Variants in ASPH observed in about 807,000 individuals in gnomAD.
ASPH encodes the protein aspartyl/asparaginyl beta-hydroxylase.
A neutral mutation model predicts 118.4 loss-of-function variants in ASPH; 100 were observed. The observed-to-expected ratio is 0.84, with a 90% CI of 0.72 to 1.00. The LOEUF (loss-of-function observed/expected upper bound fraction) is 1.00. Ranked by LOEUF, ASPH falls within the 50% of genes least tolerant of loss-of-function variation. The probability of loss-of-function intolerance (pLI) is 0.00; values close to 1 mark genes in which losing one functional copy is unlikely to be tolerated. For missense variants in ASPH, 920 were observed against 919.5 expected (o/e 1.00, Z -0.01); for synonymous variants, 315 against 325.6 (o/e 0.97, Z 0.35).
rs371726618 is a variant in ASPH at position 61,697,327 on chromosome 8, C to T, written c.104-13139G>A. Among the ~76,000 whole-genome samples, 27 of 152,344 alleles carry T rather than the reference C, an allele frequency of 1.8e-4. No homozygotes were observed. In the South Asian group the frequency reaches 1.9e-3, roughly 11 times the overall value. On this transcript the variant is annotated intron_variant, in intron 1 of 24. Coordinates refer to ENST00000379454, the MANE Select transcript of ASPH (RefSeq NM_004318.4). Reference sequence around the variant, plus strand: ...CCACAGTCAACACAGAATATTCCTGCAGCCCCTGGTCACTAAAACATGTGG... The same window carrying T: ...CCACAGTCAACACAGAATATTCCTGTAGCCCCTGGTCACTAAAACATGTGG...
chr8:61,563,070 A>G (rs1830538912), intron 17 of ASPH, among the ~76,000 whole-genome samples, 190 bp from the exon 18 acceptor site: 1 of 152,110 alleles, frequency 6.6e-6, no homozygotes, highest in Non-Finnish European at 1.5e-5. Context: ...TAACTGCCAT[A>G]AGTAGATACT....
At chr8:61,598,348 G>A (rs1843007126) in intron 14 of ASPH, among the ~76,000 whole-genome samples, 1 of 152,050 alleles carries the variant, frequency 6.6e-6, no homozygotes, top group Non-Finnish European at 1.5e-5. Flanking sequence ...AAGTGAGCAG[G>A]AGTAGCTATT....
At chr8:61,625,932 C>A in intron 13 of ASPH, 1 of 1,082,766 alleles carries the variant, frequency 9.2e-7, no homozygotes. Context: ...GCTACATCAC[C>A]AATATAATTA....
At chr8:61,701,250 G>A (rs962879828) in intron 1 of ASPH, among the ~76,000 whole-genome samples, 13 of 152,178 alleles carry the variant, frequency 8.5e-5, no homozygotes, top group African/African-American at 2.4e-4. Flanking sequence ...AAGACCACAA[G>A]GCACTGGTGA....
At chr8:61,587,480 T>C (rs1839822598) in intron 14 of ASPH, among the ~76,000 whole-genome samples, 1 of 152,220 alleles carries the variant, frequency 6.6e-6, no homozygotes, top group South Asian at 2.1e-4. Flanking sequence ...ACTGTGGGCA[T>C]CACTGGTTTT....
At chr8:61,562,083 G>T (rs924549748) in intron 18 of ASPH, among the ~76,000 whole-genome samples, 6 of 152,050 alleles carry the variant, frequency 3.9e-5, no homozygotes, top group Non-Finnish European at 8.8e-5. Flanking sequence ...TTTTACAGAG[G>T]CGCTAACTTT....
intron 1 of ASPH, chr8:61,684,618 C>T (rs536928797): frequency 6.4e-6 from 1 of 156,720 alleles, no homozygotes; most frequent in East Asian, 1.9e-4. Flanking sequence ...AATATCTCCC[C>T]CTAAACCATT....
chr8:61,701,765 T>G lies in ASPH; in HGVS notation c.103+12504A>C, dbSNP rs1237330477. On this transcript the variant is annotated intron_variant, in intron 1 of 24. Transcript: ENST00000379454. ...ATGTACCTATTGCTAGTTATTACCATTTAAGGAGGAAAATGAGCAGCATAT... is the reference window on the plus strand; with the variant it reads ...ATGTACCTATTGCTAGTTATTACCAGTTAAGGAGGAAAATGAGCAGCATAT... Among the ~76,000 whole-genome samples, 10 of 152,204 alleles carry G rather than the reference T, an allele frequency of 6.6e-5. No individual in the cohort carries two copies. The East Asian group carries it at 1.9e-3, about 29-fold the overall frequency.
chr8:61,610,869 A>G (rs185767140), intron 14 of ASPH, among the ~76,000 whole-genome samples: 2 of 152,338 alleles, frequency 1.3e-5, no homozygotes, highest in Admixed American at 1.3e-4. Context: ...AGACAGATCT[A>G]ACTAGGCTAA....
intron 3 of ASPH, chr8:61,663,688 T>G: frequency 2.0e-6 from 2 of 980,612 alleles, no homozygotes; most frequent in Non-Finnish European, 2.4e-6. Flanking sequence ...AACTCGAAGT[T>G]ATCAGGTTAC....
intron 12 of ASPH, among the ~76,000 whole-genome samples, chr8:61,635,842 T>C (rs748800944): frequency 3.3e-5 from 5 of 152,156 alleles, no homozygotes; most frequent in Admixed American, 6.5e-5. Context: ...TAGTACACAA[T>C]ATTTTCCTAA....
intron 3 of ASPH, chr8:61,662,767 T>A: frequency 1.2e-6 from 1 of 800,924 alleles, no homozygotes; most frequent in East Asian, 1.3e-4. Flanking sequence ...TTAGTTGAGG[T>A]GTTTCAATTC....
chr8:61,555,131 A>G (rs1827398227), intron 19 of ASPH, among the ~76,000 whole-genome samples: 2 of 152,316 alleles, frequency 1.3e-5, no homozygotes, highest in South Asian at 4.1e-4. Flanking sequence ...TATTTTGAGC[A>G]ATGACCTTTT....
chr8:61,654,645 T>C (rs1311470709), intron 3 of ASPH, among the ~76,000 whole-genome samples: 1 of 152,222 alleles, frequency 6.6e-6, no homozygotes, highest in Admixed American at 6.5e-5. Flanking sequence ...TCTCTTCATG[T>C]TTCTTTTATG....
At chr8:61,568,467 G>A (rs1832488668) in intron 16 of ASPH, among the ~76,000 whole-genome samples, 1 of 152,148 alleles carries the variant, frequency 6.6e-6, no homozygotes, top group Non-Finnish European at 1.5e-5. Flanking sequence ...TGGGAAGAAA[G>A]GGCAAAAGCA....
intron 2 of ASPH, 76 bp from the exon 3 acceptor site, chr8:61,681,112 G>T (rs982335303): frequency 2.8e-5 from 32 of 1,150,684 alleles, no homozygotes; most frequent in Non-Finnish European, 3.7e-5. Flanking sequence ...ACTTAGTGAA[G>T]TCATGCAACT....
At chr8:61,633,402 A>C in intron 13 of ASPH, 1 of 247,902 alleles carries the variant, frequency 4.0e-6, no homozygotes, top group East Asian at 7.6e-5. Context: ...GAAAACAAAA[A>C]AACTCTAACT....
chr8:61,671,073 A>AG (rs1010500521), intron 3 of ASPH, among the ~76,000 whole-genome samples: 7 of 152,294 alleles, frequency 4.6e-5, no homozygotes, highest in African/African-American at 1.4e-4. Context: ...TAATGGAGAA[A>AG]GGGGTCAGTG....
In ASPH at chr8:61,646,861, G is replaced by C. The variant is rs1437992235; in HGVS notation, c.508C>G (p.Gln170Glu). ...TCTCCTGTGGGTCCATCTTCTTGTT[G>C]CAAGTCTTCTCCCTCAACTATGACA... ...HAEHVEGEDL[Q>E]QEDGPTGEPQ... is the part of the protein sequence containing the mutation. The change falls in exon 6 of 25, where the codon CAA becomes GAA. Residue 170 changes from glutamine to glutamate, a missense_variant. By Grantham distance (29) the Gln-to-Glu change is conservative (BLOSUM62 2). Coordinates refer to ENST00000379454, the MANE Select transcript of ASPH (RefSeq NM_004318.4). The C allele has an allele frequency of 2.5e-6, 4 of 1,613,688 alleles. No homozygotes were observed. The highest frequency in any genetic ancestry group is 1.3e-5 in the African/African-American group (1 of 74,882).
Sources: gnomAD v4.1 joint callset for allele counts (sites outside exome capture counted in the v4.1 genomes callset) on GRCh38, gnomAD v4.1.1 for gene constraint, MANE v1.5 for transcripts, NCBI Gene and HGNC (gene_info 2026-07-23, HGNC 2026-07-21) for gene names.